The following RGS6 variants were observed in gnomAD, a reference collection of about 807,000 sequenced individuals.
RGS6 encodes the protein regulator of G protein signaling 6.
In RGS6, 30 loss-of-function variants were observed where a neutral mutation model predicts 78.5. The ratio of observed to expected loss-of-function variants is 0.38; its 90% CI spans 0.29 to 0.52. RGS6 has a LOEUF of 0.52. Among genes scored for constraint, RGS6 ranks in the 20% least tolerant of loss-of-function variants. The pLI is 0.85. For missense variants in RGS6, 495 were observed against 609.7 expected (o/e 0.81, Z 1.98); for synonymous variants, 206 against 206.0 (o/e 1.00, Z 0.00).
At position 71,964,823 on chromosome 14, in the gene RGS6, T is replaced by C; in HGVS notation, c.32T>C (p.Val11Ala). Residue 11 changes from valine to alanine, a missense_variant, in exon 2 of 18, where the codon GTG becomes GCG. Val to Ala is a moderately conservative substitution (Grantham distance 64). Coordinates refer to ENST00000553525, the MANE Select transcript of RGS6 (RefSeq NM_001204424.2). ...CAAGGATCCGGGGATCAAAGAGCAG[T>C]GGGGGTTGCTGACCCAGAGGAGAGT... The part of the protein sequence containing the change: MAQGSGDQRA[V>A]GVADPEESSP... The C allele has an allele frequency of 6.2e-7, 1 of 1,613,676 alleles. No homozygotes were observed. The highest frequency in any genetic ancestry group is 2.2e-5 in the East Asian group (1 of 44,876).
At chr14:72,460,782 G>A (rs1170936659) in intron 6 of RGS6, among the ~76,000 whole-genome samples, 4 of 152,176 alleles carry the variant, frequency 2.6e-5, no homozygotes, top group Admixed American at 2.0e-4. Context: ...GCTGTGGTGA[G>A]TGGGAGGGAG....
intron 15 of RGS6, among the ~76,000 whole-genome samples, chr14:72,527,239 T>G (rs2097130566): frequency 6.6e-6 from 1 of 152,226 alleles, no homozygotes; most frequent in Admixed American, 6.5e-5. Context: ...TCTACTAGGA[T>G]GACTCAGATT....
intron 1 of RGS6, among the ~76,000 whole-genome samples, chr14:71,933,485 G>A (rs2088264249): frequency 6.6e-6 from 1 of 152,202 alleles, no homozygotes; most frequent in African/African-American, 2.4e-5. Flanking sequence ...TTCGCTTGGA[G>A]AGGATGACAA....
rs546030509 is a variant in RGS6, at chr14:72,105,580, CT to C, written c.84+140713del. 7.1e-3 allele frequency among the ~76,000 whole-genome samples: 1,086 copies of C among 152,062 alleles called. 12 individuals are homozygous for C. Among genetic ancestry groups the C allele is most frequent in the African/African-American group, 0.025 (1,027 of 41,494 alleles). ...CTCGTTATTTTATTTACTACTGCTG[CT>C]TTTTTTTCTTCCTAGGAAAGATTCC... is the stretch of plus-strand genomic sequence containing the variant. On this transcript the variant is annotated intron_variant, in intron 2 of 17. Coordinates refer to ENST00000553525, the MANE Select transcript of RGS6 (RefSeq NM_001204424.2).
chr14:72,022,684 A>G (rs1373584252), intron 2 of RGS6, among the ~76,000 whole-genome samples: 4 of 142,800 alleles, frequency 2.8e-5, no homozygotes, highest in Non-Finnish European at 4.5e-5. Context: ...GTGGAGCACC[A>G]TGGAGACCCT....
At chr14:72,168,345 C>T (rs1280492349) in intron 2 of RGS6, among the ~76,000 whole-genome samples, 2 of 152,096 alleles carry the variant, frequency 1.3e-5, no homozygotes, top group African/African-American at 2.4e-5. Flanking sequence ...GGAAAGGCTC[C>T]TTCAGGCCCT....
intron 2 of RGS6, among the ~76,000 whole-genome samples, chr14:72,037,543 C>G (rs538861098): frequency 6.6e-6 from 1 of 152,146 alleles, no homozygotes; most frequent in African/African-American, 2.4e-5. Flanking sequence ...AAGAACCTAC[C>G]AGAAGGAACC....
the RGS6 span, among the ~76,000 whole-genome samples, chr14:71,890,374 G>C: frequency 2.0e-5 from 3 of 151,814 alleles, no homozygotes; most frequent in African/African-American, 7.3e-5. Flanking sequence ...GAGAGAGAGA[G>C]AGAGAGAGAG....
chr14:72,454,372 T>A (rs745324428), intron 3 of RGS6, 156 bp from the exon 4 acceptor site: 63 of 711,458 alleles, frequency 8.9e-5, no homozygotes, highest in Non-Finnish European at 1.6e-4. Flanking sequence ...TACTGAAGAA[T>A]GGAAAGGGTT....
chr14:72,491,605 AT>A (rs1187535429), intron 12 of RGS6, among the ~76,000 whole-genome samples: 1 of 152,288 alleles, frequency 6.6e-6, no homozygotes, highest in African/African-American at 2.4e-5. Flanking sequence ...GTTATTTTTT[AT>A]TTTTTTAATT....
intron 17 of RGS6, among the ~76,000 whole-genome samples, chr14:72,561,575 C>G (rs542613705): frequency 6.6e-6 from 1 of 152,368 alleles, no homozygotes; most frequent in South Asian, 2.1e-4. Flanking sequence ...CGCAACTCCC[C>G]TCCTAGATCA....
At chr14:71,963,911 G>A (rs1157414607) in intron 1 of RGS6, among the ~76,000 whole-genome samples, 1 of 152,108 alleles carries the variant, frequency 6.6e-6, no homozygotes, top group Non-Finnish European at 1.5e-5. Context: ...GTAATTCTGT[G>A]TTCAACTTTT....
At chr14:72,547,180 C>T (rs1439231967) in intron 17 of RGS6, 3 of 1,534,950 alleles carry the variant, frequency 2.0e-6, no homozygotes, top group Admixed American at 3.9e-5. Context: ...TCAGTCCTGT[C>T]CGGGGAGCAG....
At chr14:72,524,456 G>A (rs1567049816) in intron 15 of RGS6, among the ~76,000 whole-genome samples, 3 of 152,232 alleles carry the variant, frequency 2.0e-5, no homozygotes, top group East Asian at 1.9e-4. Flanking sequence ...CAGCTTCCTT[G>A]TAGGGCATTT....
chr14:71,968,332 C>A (rs2093633603), intron 2 of RGS6, among the ~76,000 whole-genome samples: 1 of 152,166 alleles, frequency 6.6e-6, no homozygotes, highest in Non-Finnish European at 1.5e-5. Context: ...TCAGGAAAAT[C>A]TGATGCCCAA....
chr14:72,282,821 C>T (rs967074228), intron 2 of RGS6, among the ~76,000 whole-genome samples: 15 of 152,070 alleles, frequency 9.9e-5, no homozygotes, highest in African/African-American at 2.9e-4. Context: ...ATTTTTTAAG[C>T]GCACAATACA....
intron 2 of RGS6, among the ~76,000 whole-genome samples, chr14:72,070,092 A>G (rs1029398457): frequency 2.6e-5 from 4 of 151,624 alleles, no homozygotes; most frequent in Non-Finnish European, 5.9e-5. Context: ...GTTTTTTGTT[A>G]GTGTATCTGA....
chr14:72,407,082 A>C (rs2092996376), intron 3 of RGS6, among the ~76,000 whole-genome samples: 1 of 152,242 alleles, frequency 6.6e-6, no homozygotes, highest in Non-Finnish European at 1.5e-5. Flanking sequence ...GTTCATAATT[A>C]ATTACATTGG....
rs1252419497 is a variant in RGS6, at chr14:72,563,591, C to T, written c.*1124C>T. 6.6e-6 allele frequency: 1 copy of T among 152,416 alleles called. No individual in the cohort carries two copies. Among genetic ancestry groups the T allele is most frequent in the Non-Finnish European group, 1.5e-5 (1 of 68,196 alleles). The allele number at this position is 152,416 out of a possible 1,614,324, so 9.4% of individuals were successfully genotyped here. A position where few individuals can be genotyped will look rare whatever the true frequency, so the allele number is the denominator to read the frequency against. ...ATCTGAAGGCCCAGCCAAAGCACCC[C>T]TCTAAACCGGTCACCTAGGGGAAAT... On this transcript the variant is annotated 3_prime_UTR_variant, in exon 18 of 18. Transcript: ENST00000553525.
Sources: allele counts gnomAD v4.1 joint callset (sites outside exome capture counted in the v4.1 genomes callset), GRCh38; gene constraint gnomAD v4.1.1; transcripts MANE v1.5; gene names NCBI Gene and HGNC (gene_info 2026-07-23, HGNC 2026-07-21).